ADCY3: variants seen among roughly 807,000 people sequenced by gnomAD.
ADCY3 encodes adenylate cyclase 3.
A neutral mutation model predicts 119.4 loss-of-function variants in ADCY3; 70 were observed. That is an observed-to-expected ratio of 0.59 (90% confidence interval 0.48 to 0.72). ADCY3 has a LOEUF of 0.72. Among genes scored for constraint, ADCY3 ranks in the 30% least tolerant of loss-of-function variants. The pLI, the probability that ADCY3 is intolerant of heterozygous loss-of-function variation, is 0.00. For missense variants in ADCY3, 1,238 were observed against 1,541.6 expected, an observed-to-expected ratio of 0.80 and a Z score of 3.30; for synonymous variants, 672 against 621.4, an observed-to-expected ratio of 1.08 and a Z score of -1.21.
At chr2:24,838,676 C>T in intron 7 of ADCY3, 54 bp from the exon 8 acceptor site, 3 of 1,607,138 alleles carry the variant, frequency 1.9e-6, no homozygotes, top group Non-Finnish European at 2.6e-6. Context: ...CCCTCACACC[C>T]CCAGGGGACA....
At chr2:24,852,843 T>C (rs1672502685) in intron 3 of ADCY3, among the ~76,000 whole-genome samples, 1 of 152,232 alleles carries the variant, frequency 6.6e-6, no homozygotes, top group Admixed American at 6.5e-5. Context: ...TCCCCAGGAC[T>C]TCAGGCTGCC....
chr2:24,837,007 G>A lies in ADCY3; in HGVS notation c.1572C>T (p.Ser524=). ...CCTTGGTCTCAATGAGGGCAGGGGA[G>A]CTGGACTTTGAGGAAGCTGGTGCTC... The part of the protein sequence containing the change: ...PNGAPASSKS[S]SPALIETKEP... The change falls in exon 9 of 22, where the codon AGC becomes AGT. Residue 524 remains serine, a synonymous_variant. Coordinates refer to ENST00000679454, the MANE Select transcript of ADCY3 (RefSeq NM_004036.5). 1 of 1,614,130 alleles carries A rather than the reference G, an allele frequency of 6.2e-7. No homozygotes were observed. Among genetic ancestry groups the A allele is most frequent in the Non-Finnish European group, 8.5e-7 (1 of 1,180,034 alleles).
intron 13 of ADCY3, among the ~76,000 whole-genome samples, chr2:24,830,044 CT>C (rs66894795): frequency 1.7e-3 from 224 of 132,690 alleles, no homozygotes; most frequent in Admixed American, 2.8e-3. Context: ...AGTGAATTAC[CT>C]TTTTTTTTTT....
At chr2:24,832,377 C>T (rs1027357359) in intron 11 of ADCY3, among the ~76,000 whole-genome samples, 2 of 152,238 alleles carry the variant, frequency 1.3e-5, no homozygotes, top group Non-Finnish European at 2.9e-5. Context: ...GGACAGAGCA[C>T]GGAGCAGCAT....
chr2:24,877,833 C>A (rs1483277119), intron 2 of ADCY3: 2 of 465,544 alleles, frequency 4.3e-6, no homozygotes, highest in Non-Finnish European at 8.9e-6. Context: ...AGACAGCTGG[C>A]GCTCGAAGCC....
At chr2:24,887,781 C>G (rs979007631) in intron 2 of ADCY3, among the ~76,000 whole-genome samples, 4 of 152,164 alleles carry the variant, frequency 2.6e-5, no homozygotes, top group African/African-American at 9.6e-5. Context: ...AACTCGCTGC[C>G]TCCCCTGCGA....
rs1283447301 is a variant in ADCY3 at position 24,820,046 on chromosome 2, A to G, written c.3321T>C (p.Phe1107=). The change falls in exon 22 of 22, where the codon TTT becomes TTC. Residue 1107 remains phenylalanine (F), a synonymous_variant. Transcript: ENST00000679454. ...TCAGCAGCTCCCCCTTCCCCTTCACAAAGATGGGGCCTCGCCTCACAAAGC... is the reference window on the plus strand; with the variant it reads ...TCAGCAGCTCCCCCTTCCCCTTCACGAAGATGGGGCCTCGCCTCACAAAGC... ...GFRFVRRGPI[F]VKGKGELLTF... 6.2e-7 allele frequency: 1 copy of G among 1,606,266 alleles called. No individual in the cohort carries two copies. Among genetic ancestry groups the G allele is most frequent in the Non-Finnish European group, 8.5e-7 (1 of 1,176,464 alleles).
At chr2:24,879,404 G>C (rs2148863405) in intron 2 of ADCY3, among the ~76,000 whole-genome samples, 1 of 140,666 alleles carries the variant, frequency 7.1e-6, no homozygotes, top group South Asian at 2.3e-4. Context: ...AGTGAGCCGA[G>C]ATTGCGCCAC....
rs201135554 is a variant in ADCY3, at chr2:24,842,264, C to T, written c.946G>A (p.Glu316Lys). The change falls in exon 4 of 22, where the codon GAG (glutamate) becomes AAG (lysine). Residue 316 changes from glutamate (E) to lysine (K), a missense_variant. Glu to Lys is a moderately conservative substitution (Grantham distance 56, BLOSUM62 1). Around this residue, in one of 7 missense-constraint regions of ADCY3, gnomAD observed 283 missense variants for 437.2 expected, o/e 0.65. Transcript: ENST00000679454. The surrounding 1 kb of genome is among the most constrained non-coding windows in gnomAD (Gnocchi z 4.9). ...CCCGGGCCGGCGTACCTGACGTTCTCGTGACGGTACATGTACATGGTGTTG... is the reference window on the plus strand; with the variant it reads ...CCCGGGCCGGCGTACCTGACGTTCTTGTGACGGTACATGTACATGGTGTTG... ...QFNTMYMYRH[E>K]NVSILFADIV... 6.8e-6 allele frequency: 11 copies of T among 1,614,014 alleles called. No homozygotes were observed. Among genetic ancestry groups the T allele is most frequent in the South Asian group, 1.1e-5 (1 of 91,084 alleles).
intron 21 of ADCY3, chr2:24,820,432 A>C: frequency 1.5e-6 from 2 of 1,321,272 alleles, no homozygotes; most frequent in Non-Finnish European, 1.9e-6. Flanking sequence ...CCTTTCGTGG[A>C]GCTTTTCTGC....
chr2:24,821,402 C>G (rs1202120776), intron 20 of ADCY3, 115 bp downstream of exon 20: 1 of 1,461,758 alleles, frequency 6.8e-7, no homozygotes, highest in Non-Finnish European at 9.2e-7. Context: ...AGTGCGTGAA[C>G]CTCCCCACCC....
rs2148314516 is a variant in ADCY3 at position 24,819,869 on chromosome 2, TTCC to T, written c.*60_*62del. The T allele has an allele frequency of 6.5e-7, 1 of 1,546,312 alleles. No homozygotes were observed. The highest frequency in any genetic ancestry group is 8.8e-7 in the Non-Finnish European group (1 of 1,135,388). On this transcript the variant is annotated 3_prime_UTR_variant, in exon 22 of 22. Transcript: ENST00000679454. ...CACTTCAATCCAGGAAGGTCGGGAC[TTCC>T]TTCAGTTTCAAAAAATAAATTCTCC...
chr2:24,904,357 C>G (rs553049583), intron 2 of ADCY3, among the ~76,000 whole-genome samples: 3 of 151,918 alleles, frequency 2.0e-5, no homozygotes, highest in African/African-American at 4.8e-5. Flanking sequence ...TGGCGAAACC[C>G]CATCTCTACT....
At position 24,918,750 on chromosome 2, in the gene ADCY3, C is replaced by G. The variant is rs1205687588; in HGVS notation, c.238G>C (p.Val80Leu). The G allele has an allele frequency of 1.9e-6, 3 of 1,614,082 alleles. No individual in the cohort carries two copies. In the South Asian group the frequency reaches 3.3e-5, roughly 18 times the overall value. Residue 80 changes from valine (V) to leucine (L), a missense_variant, in exon 2 of 22, where the codon GTG becomes CTG. This residue lies in a region of ADCY3 where 227 missense variants were observed against 249.3 expected (regional missense o/e 0.91). Coordinates refer to ENST00000679454, the MANE Select transcript of ADCY3 (RefSeq NM_004036.5). This position sits in a 1 kb window ranked among gnomAD's most constrained non-coding sequence, Gnocchi z 5.4. ...FKRQRHETLL[V>L]LVVFAALFDC... is the part of the protein sequence containing the mutation. ...AAGAGGGCTGCAAAGACCACCAGCA[C>G]CAGCAGGGTCTCGTGGCGCTGCCTT...
At position 24,834,767 on chromosome 2, in the gene ADCY3, G is replaced by T; in HGVS notation, c.1805+27C>A. ...TGTCAGGGCCCGGGAGGAGTGGTGG[G>T]CCTGGACGCTTCCGGGTGGCGCTTA... On this transcript the variant is annotated intron_variant, in intron 10 of 21. Transcript: ENST00000679454. The surrounding 1 kb of genome is among the most constrained non-coding windows in gnomAD (Gnocchi z 4.2). 1 of 1,608,610 alleles carries T rather than the reference G, an allele frequency of 6.2e-7. No homozygotes were observed. Among genetic ancestry groups the T allele is most frequent in the Non-Finnish European group, 8.5e-7 (1 of 1,176,026 alleles).
chr2:24,868,995 G>C (rs751229423), intron 3 of ADCY3, among the ~76,000 whole-genome samples: 2 of 152,202 alleles, frequency 1.3e-5, no homozygotes, highest in African/African-American at 4.8e-5. Flanking sequence ...CTGCACTCCA[G>C]CCTAAGTGAC....
intron 3 of ADCY3, among the ~76,000 whole-genome samples, chr2:24,851,045 AAT>A (rs1672234125): frequency 6.6e-6 from 1 of 152,204 alleles, no homozygotes; most frequent in African/African-American, 2.4e-5. Context: ...TCTTTTTAAA[AAT>A]ACTTTTTAAA....
At chr2:24,824,838 C>T (rs933713103) in intron 16 of ADCY3, among the ~76,000 whole-genome samples, 4 of 152,006 alleles carry the variant, frequency 2.6e-5, no homozygotes, top group African/African-American at 7.3e-5. Flanking sequence ...TGCAGTGAGC[C>T]GAGATCGCAC....
At chr2:24,833,822 G>C (rs1669929397) in intron 11 of ADCY3, among the ~76,000 whole-genome samples, 1 of 152,270 alleles carries the variant, frequency 6.6e-6, no homozygotes, top group African/African-American at 2.4e-5. Context: ...GGAGCCTGCA[G>C]TGGCCTGCAC....
Sources: gnomAD v4.1 joint callset for allele counts (sites outside exome capture counted in the v4.1 genomes callset) on GRCh38, gnomAD v4.1.1 for gene constraint, gnomAD v4.1.1 regional missense constraint, Gnocchi (gnomAD v3.1) non-coding constraint, MANE v1.5 for transcripts, NCBI Gene and HGNC (gene_info 2026-07-23, HGNC 2026-07-21) for gene names.